Variants in DLGAP2 observed in about 807,000 individuals in gnomAD.
The protein encoded by DLGAP2 is DLG associated protein 2, also known as disks large-associated protein 2.
Under a neutral mutation model 100.3 loss-of-function variants are expected in DLGAP2, and 26 were observed. The ratio of observed to expected loss-of-function variants is 0.26; its 90% CI spans 0.19 to 0.36. The LOEUF is 0.36. DLGAP2 is among the 10% of genes least tolerant of loss of function. The pLI is 1.00. For synonymous variants in DLGAP2, 886 were observed against 630.1 expected, an observed-to-expected ratio of 1.41 and a Z score of -6.08; for missense variants, 1,858 against 1,453.2, an observed-to-expected ratio of 1.28 and a Z score of -4.53.
intron 1 of DLGAP2, among the ~76,000 whole-genome samples, chr8:840,649 A>G (rs75428472): frequency 8.4e-6 from 1 of 118,636 alleles, no homozygotes; most frequent in East Asian, 2.3e-4. Context: ...GTCTCCCTAC[A>G]CTCTGGATTC....
chr8:1,065,879 G>A lies in DLGAP2; in HGVS notation c.73+157913G>A, dbSNP rs77493886. ...AAATCTTTCCTAGCTATTTGCTTTC[G>A]AGTTGTCATTCTCCCGCGTGGTCTG... On this transcript the variant is annotated intron_variant, in intron 2 of 14. Coordinates refer to ENST00000637795, the MANE Select transcript of DLGAP2 (RefSeq NM_001346810.2). Among the ~76,000 whole-genome samples the A allele has an allele frequency of 3.3e-4, 51 of 152,300 alleles. 1 individual carries two copies. Among genetic ancestry groups the A allele is most frequent in the East Asian group, 3.3e-3 (17 of 5,166 alleles).
chr8:779,857 T>C (rs1360381321), intron 1 of DLGAP2, among the ~76,000 whole-genome samples: 1 of 152,016 alleles, frequency 6.6e-6, no homozygotes, highest in Admixed American at 6.5e-5. Context: ...AATTTAATTA[T>C]AAATTTATAT....
chr8:1,279,837 C>T (rs558826137), intron 3 of DLGAP2, among the ~76,000 whole-genome samples: 1 of 152,300 alleles, frequency 6.6e-6, no homozygotes, highest in African/African-American at 2.4e-5. Flanking sequence ...GGAGGGACAC[C>T]CATGACCTTG....
intron 2 of DLGAP2, among the ~76,000 whole-genome samples, chr8:1,161,043 G>A (rs988120435): frequency 2.0e-5 from 3 of 152,158 alleles, no homozygotes; most frequent in Admixed American, 1.3e-4. Context: ...TATTCCTGAA[G>A]GTACTTAAAA....
intron 2 of DLGAP2, among the ~76,000 whole-genome samples, chr8:911,269 G>T (rs1412318900): frequency 6.6e-6 from 1 of 152,192 alleles, no homozygotes; most frequent in Admixed American, 6.5e-5. Context: ...CTTAGGATGC[G>T]TGTGTAATGT....
intron 2 of DLGAP2, among the ~76,000 whole-genome samples, chr8:1,122,613 C>T (rs971482365): frequency 6.6e-6 from 1 of 150,842 alleles, no homozygotes; most frequent in African/African-American, 2.4e-5. Flanking sequence ...GTGTAGGTCT[C>T]TCAAAAATAC....
intron 2 of DLGAP2, among the ~76,000 whole-genome samples, chr8:925,103 G>T (rs899488937): frequency 6.6e-6 from 1 of 151,946 alleles, no homozygotes; most frequent in African/African-American, 2.4e-5. Context: ...AAGTGTAGGT[G>T]CGCGTGGGTG....
chr8:1,007,286 C>G (rs1801147256), intron 2 of DLGAP2, among the ~76,000 whole-genome samples: 1 of 152,196 alleles, frequency 6.6e-6, no homozygotes, highest in Non-Finnish European at 1.5e-5. Context: ...GCTGTGATTT[C>G]CTGGAGGGGT....
chr8:1,545,372 C>T (rs1261401223), intron 4 of DLGAP2, among the ~76,000 whole-genome samples: 1 of 152,132 alleles, frequency 6.6e-6, no homozygotes, highest in Non-Finnish European at 1.5e-5. Flanking sequence ...CCGGCCGCCC[C>T]ATAAGTGCAA....
At chr8:982,241 G>A (rs1249950474) in intron 2 of DLGAP2, among the ~76,000 whole-genome samples, 1 of 152,218 alleles carries the variant, frequency 6.6e-6, no homozygotes, top group African/African-American at 2.4e-5. Context: ...ACGGGTGACC[G>A]TGCAAGACCC....
intron 1 of DLGAP2, among the ~76,000 whole-genome samples, chr8:791,949 G>T (rs2132640840): frequency 6.6e-6 from 1 of 152,302 alleles, no homozygotes; most frequent in East Asian, 1.9e-4. Context: ...CTAAGAATGG[G>T]GATGTCTGTT....
chr8:1,068,535 G>C (rs910554115), intron 2 of DLGAP2, among the ~76,000 whole-genome samples: 1 of 152,212 alleles, frequency 6.6e-6, no homozygotes, highest in Non-Finnish European at 1.5e-5. Flanking sequence ...GGGGACTAAG[G>C]CTGTCCCGGT....
chr8:1,461,209 C>T (rs868747539), intron 3 of DLGAP2, among the ~76,000 whole-genome samples: 163 of 127,412 alleles, frequency 1.3e-3, no homozygotes, highest in African/African-American at 3.9e-3. Flanking sequence ...GTCGCTGATT[C>T]GGTGGCCAGG....
chr8:1,451,018 G>C (rs1798144876), intron 3 of DLGAP2, among the ~76,000 whole-genome samples: 1 of 152,046 alleles, frequency 6.6e-6, no homozygotes, highest in African/African-American at 2.4e-5. Context: ...CGAATTCCAG[G>C]GCATCACTGG....
At chr8:1,591,360 G>A (rs1744688669) in intron 6 of DLGAP2, among the ~76,000 whole-genome samples, 1 of 152,166 alleles carries the variant, frequency 6.6e-6, no homozygotes, top group African/African-American at 2.4e-5. Flanking sequence ...GAGAAAGAAG[G>A]CTCTTGACTG....
intron 1 of DLGAP2, among the ~76,000 whole-genome samples, chr8:820,925 A>G (rs1447183604): frequency 6.6e-6 from 1 of 152,190 alleles, no homozygotes; most frequent in African/African-American, 2.4e-5. Context: ...TAGGAAGTGG[A>G]TAAGTCTTGA....
intron 3 of DLGAP2, among the ~76,000 whole-genome samples, chr8:1,421,891 G>A (rs887749473): frequency 5.3e-5 from 8 of 152,152 alleles, no homozygotes; most frequent in South Asian, 2.1e-4. Flanking sequence ...ACTTGAACCC[G>A]GGAGGTGGAG....
At chr8:1,237,167 GTT>G (rs1798677894) in intron 2 of DLGAP2, among the ~76,000 whole-genome samples, 1 of 133,710 alleles carries the variant, frequency 7.5e-6, no homozygotes, top group Non-Finnish European at 1.6e-5. Flanking sequence ...GCCGTGTCTA[GTT>G]CTCTCACATG....
intron 2 of DLGAP2, among the ~76,000 whole-genome samples, chr8:1,194,740 G>C (rs548019741): frequency 5.9e-5 from 9 of 152,290 alleles, no homozygotes; most frequent in African/African-American, 2.2e-4. Flanking sequence ...CCCTGGGCCC[G>C]ATGAGCTTCA....
Sources: allele counts gnomAD v4.1 joint callset (sites outside exome capture counted in the v4.1 genomes callset), GRCh38; gene constraint gnomAD v4.1.1; transcripts MANE v1.5; gene names NCBI Gene and HGNC (gene_info 2026-07-23, HGNC 2026-07-21).